RIGI: variants seen among roughly 807,000 people sequenced by gnomAD.
The protein encoded by RIGI is antiviral innate immune response receptor RIG-I.
the RIGI span, chr9:32,526,192 C>G: frequency 6.3e-7 from 1 of 1,593,020 alleles, no homozygotes; most frequent in Non-Finnish European, 8.6e-7. Context: ...CAGCTAGCTA[C>G]GTTCCCCGCA....
At chr9:32,518,651 G>A in the RIGI span, among the ~76,000 whole-genome samples, 2 of 152,184 alleles carry the variant, frequency 1.3e-5, no homozygotes, top group South Asian at 2.1e-4. Context: ...AAGAAATATT[G>A]TAAAGAAACA....
the RIGI span, among the ~76,000 whole-genome samples, chr9:32,517,494 C>T: frequency 1.3e-5 from 2 of 152,322 alleles, no homozygotes; most frequent in East Asian, 3.9e-4. Flanking sequence ...TTCAAGTTCA[C>T]ATGACTTCAG....
At chr9:32,524,066 G>A in the RIGI span, among the ~76,000 whole-genome samples, 21,239 of 151,870 alleles carry the variant, frequency 0.14, 1,499 homozygotes, top group Middle Eastern at 0.29. Context: ...AAATATCTGG[G>A]AAGCTTTGGC....
At chr9:32,500,088 A>G in the RIGI span, among the ~76,000 whole-genome samples, 1 of 152,196 alleles carries the variant, frequency 6.6e-6, no homozygotes, top group African/African-American at 2.4e-5. Context: ...CAGTTTGTCA[A>G]TGCCAAAACC....
At chr9:32,510,164 G>A in the RIGI span, among the ~76,000 whole-genome samples, 82,347 of 151,838 alleles carry the variant, frequency 0.54, 23,076 homozygotes, top group Middle Eastern at 0.68. Flanking sequence ...GAAAACTCTC[G>A]TCAGGATGTT....
chr9:32,490,453 A>T, the RIGI span, among the ~76,000 whole-genome samples: 1 of 152,148 alleles, frequency 6.6e-6, no homozygotes, highest in Non-Finnish European at 1.5e-5. Context: ...ATATTCATGT[A>T]TCTGTTTTTT....
At chr9:32,460,897 A>G in the RIGI span, among the ~76,000 whole-genome samples, 1 of 152,212 alleles carries the variant, frequency 6.6e-6, no homozygotes, top group Non-Finnish European at 1.5e-5. Flanking sequence ...ATGACCTCCA[A>G]ATATATCCCA....
At chr9:32,463,955 C>T in the RIGI span, among the ~76,000 whole-genome samples, 189 of 133,266 alleles carry the variant, frequency 1.4e-3, no homozygotes, top group South Asian at 3.2e-3. Context: ...TGAAACACCA[C>T]CAAATCCTGA....
At chr9:32,466,924 C>T in the RIGI span, among the ~76,000 whole-genome samples, 75 of 152,056 alleles carry the variant, frequency 4.9e-4, no homozygotes, top group Non-Finnish European at 5.9e-4. Context: ...CCTTCAAGAA[C>T]CTTCTAGACA....
chr9:32,521,139 CA>C, the RIGI span, among the ~76,000 whole-genome samples: 401 of 32,754 alleles, frequency 0.012, 3 homozygotes, highest in African/African-American at 0.035. Context: ...GACACCATCT[CA>C]AAAAAAAAAA....
At chr9:32,505,022 CTA>C in the RIGI span, among the ~76,000 whole-genome samples, 1 of 133,616 alleles carries the variant, frequency 7.5e-6, no homozygotes. Context: ...AAATATATAT[CTA>C]TTATATACAA....
the RIGI span, among the ~76,000 whole-genome samples, chr9:32,510,772 A>T: frequency 6.6e-6 from 1 of 152,246 alleles, no homozygotes; most frequent in African/African-American, 2.4e-5. Context: ...TAAATGCCCC[A>T]ATTAAAAGAC....
the RIGI span, among the ~76,000 whole-genome samples, chr9:32,518,228 A>T: frequency 2.0e-5 from 3 of 152,170 alleles, no homozygotes. Flanking sequence ...GTTACTTATG[A>T]AACAAGGTAG....
the RIGI span, among the ~76,000 whole-genome samples, chr9:32,469,861 C>G: frequency 6.7e-6 from 1 of 148,692 alleles, no homozygotes. Context: ...AGTAGAATCA[C>G]CTGATCTCCA....
chr9:32,501,058 C>A, the RIGI span: 2 of 1,254,196 alleles, frequency 1.6e-6, no homozygotes, highest in Non-Finnish European at 2.2e-6. Flanking sequence ...CAAGTCACAG[C>A]ATTGGAAGAA....
chr9:32,481,238 C>T, the RIGI span: 6 of 1,189,536 alleles, frequency 5.0e-6, no homozygotes, highest in Non-Finnish European at 7.0e-6. Flanking sequence ...CCTAAGTGAG[C>T]TCTTGAGGAC....
chr9:32,460,044 T>TG, the RIGI span, among the ~76,000 whole-genome samples: 10 of 152,298 alleles, frequency 6.6e-5, no homozygotes, highest in African/African-American at 1.9e-4. Context: ...AATTGAATCA[T>TG]GGGGGGCCAG....
chr9:32,470,733 C>G, the RIGI span, among the ~76,000 whole-genome samples: 1 of 152,176 alleles, frequency 6.6e-6, no homozygotes, highest in Non-Finnish European at 1.5e-5. Context: ...ATTTAGCAAA[C>G]TGAACTTTTG....
chr9:32,471,817 C>T, the RIGI span, among the ~76,000 whole-genome samples: 1 of 152,150 alleles, frequency 6.6e-6, no homozygotes, highest in Admixed American at 6.5e-5. Context: ...CTTTGAATCC[C>T]AACCACAAAA....
Sources: gnomAD v4.1 joint callset for allele counts (sites outside exome capture counted in the v4.1 genomes callset) on GRCh38, gnomAD v4.1.1 for gene constraint, MANE v1.5 for transcripts, NCBI Gene and HGNC (gene_info 2026-07-23, HGNC 2026-07-21) for gene names.